The following MECOM variants were observed in gnomAD, a reference collection of about 807,000 sequenced individuals.
The protein encoded by MECOM is histone-lysine N-methyltransferase MECOM.
MECOM carries 13 observed loss-of-function variants against 116.3 expected under a neutral mutation model. The ratio of observed to expected loss-of-function variants is 0.11; its 90% CI spans 0.07 to 0.18. The LOEUF is 0.18. Among genes scored for constraint, MECOM ranks in the 10% least tolerant of loss-of-function variants. The probability of loss-of-function intolerance (pLI) is 1.00; values close to 1 mark genes in which losing one functional copy is unlikely to be tolerated. For synonymous variants in MECOM, 528 were observed against 535.2 expected (o/e 0.99, Z 0.19); for missense variants, 1,299 against 1,509.0 (o/e 0.86, Z 2.31).
At chr3:169,596,948 T>C (rs750702367) in intron 1 of MECOM, among the ~76,000 whole-genome samples, 4 of 152,152 alleles carry the variant, frequency 2.6e-5, no homozygotes, top group Non-Finnish European at 4.4e-5. Flanking sequence ...ATCTTGCTGG[T>C]TTAAAAAGAA....
intron 2 of MECOM, among the ~76,000 whole-genome samples, chr3:169,261,595 G>T (rs1301816166): frequency 6.6e-6 from 1 of 152,130 alleles, no homozygotes; most frequent in African/African-American, 2.4e-5. Flanking sequence ...CAGCTACTCG[G>T]GAGGCTGAAG....
At chr3:169,297,031 C>T (rs1218513477) in intron 2 of MECOM, among the ~76,000 whole-genome samples, 1 of 152,234 alleles carries the variant, frequency 6.6e-6, no homozygotes, top group Non-Finnish European at 1.5e-5. Context: ...CAGCTGTGCT[C>T]TTTCAACAAT....
At chr3:169,375,453 AGAGAG>A (rs1391156696) in intron 2 of MECOM, among the ~76,000 whole-genome samples, 1 of 152,132 alleles carries the variant, frequency 6.6e-6, no homozygotes, top group Admixed American at 6.6e-5. Flanking sequence ...CAAGAAGAGA[AGAGAG>A]AAGAATCAAG....
At chr3:169,476,252 A>T (rs1455691829) in intron 1 of MECOM, among the ~76,000 whole-genome samples, 2 of 152,258 alleles carry the variant, frequency 1.3e-5, no homozygotes, top group South Asian at 2.1e-4. Context: ...ATAATGTATT[A>T]CACAATTAGA....
At chr3:169,109,155 C>A (rs1726464682) in intron 9 of MECOM, among the ~76,000 whole-genome samples, 2 of 152,194 alleles carry the variant, frequency 1.3e-5, no homozygotes, top group South Asian at 2.1e-4. Flanking sequence ...ACATTCCCTG[C>A]ATCTTACCTA....
chr3:169,453,396 G>A (rs980522464), intron 1 of MECOM, among the ~76,000 whole-genome samples: 3 of 152,154 alleles, frequency 2.0e-5, no homozygotes, highest in African/African-American at 7.2e-5. Flanking sequence ...GCCCCAGAGG[G>A]GCCTTGCTGT....
intron 14 of MECOM, among the ~76,000 whole-genome samples, chr3:169,092,157 G>C (rs990294368): frequency 2.6e-5 from 4 of 151,994 alleles, no homozygotes; most frequent in Admixed American, 1.3e-4. Flanking sequence ...AGCATTAAAA[G>C]CTTTTTTAAA....
intron 1 of MECOM, among the ~76,000 whole-genome samples, chr3:169,484,463 A>AATAT (rs781683533): frequency 5.7e-4 from 87 of 152,318 alleles, no homozygotes; most frequent in Middle Eastern, 3.4e-3. Flanking sequence ...ATTTCTTTCC[A>AATAT]ATATTCTTTT....
chr3:169,195,505 C>A (rs1241044398), intron 2 of MECOM, among the ~76,000 whole-genome samples: 2 of 152,074 alleles, frequency 1.3e-5, no homozygotes, highest in Non-Finnish European at 2.9e-5. Flanking sequence ...TGACTAGGCT[C>A]ACAATCATTT....
intron 1 of MECOM, among the ~76,000 whole-genome samples, chr3:169,438,461 T>C (rs1743071010): frequency 6.6e-6 from 1 of 152,142 alleles, no homozygotes; most frequent in Admixed American, 6.5e-5. Flanking sequence ...ACAAAGGGTG[T>C]GCTATCAATC....
intron 2 of MECOM, among the ~76,000 whole-genome samples, chr3:169,320,239 T>A (rs749026556): frequency 2.3e-4 from 35 of 152,112 alleles, no homozygotes; most frequent in Non-Finnish European, 4.7e-4. Flanking sequence ...TCAGATATAA[T>A]TAGGAGAAAC....
At chr3:169,347,765 C>G (rs775454615) in intron 2 of MECOM, among the ~76,000 whole-genome samples, 1 of 152,014 alleles carries the variant, frequency 6.6e-6, no homozygotes, top group Non-Finnish European at 1.5e-5. Flanking sequence ...GTGTGGATGA[C>G]AGGCCTCTGT....
intron 2 of MECOM, among the ~76,000 whole-genome samples, chr3:169,191,186 T>A (rs1198819727): frequency 1.3e-5 from 2 of 152,020 alleles, no homozygotes; most frequent in African/African-American, 4.8e-5. Context: ...CCCCCTCCTG[T>A]CTTTCCTTCC....
At chr3:169,259,799 A>C (rs1757321870) in intron 2 of MECOM, among the ~76,000 whole-genome samples, 1 of 152,256 alleles carries the variant, frequency 6.6e-6, no homozygotes, top group Non-Finnish European at 1.5e-5. Context: ...AAAAGCATTC[A>C]ACGAAGAATG....
At chr3:169,304,757 T>C (rs1374454056) in intron 2 of MECOM, among the ~76,000 whole-genome samples, 2 of 152,226 alleles carry the variant, frequency 1.3e-5, no homozygotes, top group African/African-American at 4.8e-5. Flanking sequence ...ATTATAAATA[T>C]AACTTTGGTG....
At chr3:169,198,445 T>C (rs1559982216) in intron 2 of MECOM, among the ~76,000 whole-genome samples, 2 of 152,066 alleles carry the variant, frequency 1.3e-5, no homozygotes, top group African/African-American at 2.4e-5. Context: ...AATTATTCTG[T>C]GCTCTCTTTT....
intron 2 of MECOM, among the ~76,000 whole-genome samples, chr3:169,211,892 C>T (rs1026309600): frequency 2.0e-5 from 3 of 152,074 alleles, no homozygotes; most frequent in Non-Finnish European, 4.4e-5. Flanking sequence ...TAGTACGGAA[C>T]TTTTGAAGTA....
intron 1 of MECOM, among the ~76,000 whole-genome samples, chr3:169,537,435 T>G (rs1032188607): frequency 6.6e-6 from 1 of 152,226 alleles, no homozygotes; most frequent in African/African-American, 2.4e-5. Flanking sequence ...ACACATCCTC[T>G]GATTATACAC....
intron 2 of MECOM, among the ~76,000 whole-genome samples, chr3:169,235,099 G>A (rs1753870897): frequency 6.6e-6 from 1 of 152,184 alleles, no homozygotes. Context: ...CTTACGCTAT[G>A]ATTTAAAAGT....
Sources: allele counts gnomAD v4.1 joint callset (sites outside exome capture counted in the v4.1 genomes callset), GRCh38; gene constraint gnomAD v4.1.1; transcripts MANE v1.5; gene names NCBI Gene and HGNC (gene_info 2026-07-23, HGNC 2026-07-21).